The following APOBEC1 variants were observed in gnomAD, a reference collection of about 807,000 sequenced individuals.
APOBEC1 encodes the protein C->U-editing enzyme APOBEC-1.
APOBEC1 carries 22 observed loss-of-function variants against 26.3 expected under a neutral mutation model. That is an observed-to-expected ratio of 0.84 (90% confidence interval 0.60 to 1.19). APOBEC1 has a LOEUF of 1.19. Ranked by LOEUF, APOBEC1 falls within the 50% of genes most tolerant of loss-of-function variation. APOBEC1 has a pLI of 0.00. For missense variants in APOBEC1, 253 were observed against 289.0 expected (o/e 0.88, Z 0.90); for synonymous variants, 77 against 95.3 (o/e 0.81, Z 1.12).
At chr12:7,653,664 T>C (rs1472349016) in intron 2 of APOBEC1, among the ~76,000 whole-genome samples, 1 of 152,116 alleles carries the variant, frequency 6.6e-6, no homozygotes, top group Non-Finnish European at 1.5e-5. Context: ...AGAGGTGCTA[T>C]GTTCCAATCC....
At chr12:7,659,353 T>A (rs1475865185) in intron 1 of APOBEC1, among the ~76,000 whole-genome samples, 15 of 85,634 alleles carry the variant, frequency 1.8e-4, no homozygotes, top group South Asian at 7.5e-4. Flanking sequence ...ATATATATGT[T>A]TATATTTGAA....
At chr12:7,653,786 A>C (rs1424418167) in intron 2 of APOBEC1, among the ~76,000 whole-genome samples, 1 of 152,208 alleles carries the variant, frequency 6.6e-6, no homozygotes, top group Non-Finnish European at 1.5e-5. Context: ...ATTTAGCCTC[A>C]AGATTCTTCC....
At chr12:7,651,338 G>T (rs1863634888) in intron 3 of APOBEC1, among the ~76,000 whole-genome samples, 197 bp from the exon 4 acceptor site, 1 of 152,118 alleles carries the variant, frequency 6.6e-6, no homozygotes, top group Admixed American at 6.6e-5. Flanking sequence ...GTTGTTGGCT[G>T]GGTGCGGTGG....
upstream of APOBEC1, among the ~76,000 whole-genome samples, chr12:7,667,142 C>T (rs371598773): frequency 6.6e-6 from 1 of 151,982 alleles, no homozygotes; most frequent in East Asian, 1.9e-4. Flanking sequence ...AAACTCCTGA[C>T]CTCAGGTGAT....
intron 1 of APOBEC1, among the ~76,000 whole-genome samples, chr12:7,659,153 G>C (rs1257716259): frequency 6.7e-6 from 1 of 148,994 alleles, no homozygotes; most frequent in Admixed American, 6.7e-5. Flanking sequence ...AATTAGCTGG[G>C]TGTGGTGGCG....
At chr12:7,667,935 A>AT (rs2072520652), upstream of APOBEC1, among the ~76,000 whole-genome samples, 1 of 150,790 alleles carries the variant, frequency 6.6e-6, no homozygotes, top group Non-Finnish European at 1.5e-5. Flanking sequence ...AAAAAAAAAA[A>AT]GGTAAGATAA....
intron 1 of APOBEC1, among the ~76,000 whole-genome samples, chr12:7,660,410 A>AAGAAAGAGAG (rs111744018): frequency 1.9e-4 from 16 of 84,250 alleles, no homozygotes; most frequent in African/African-American, 6.0e-4. Context: ...GAAAGAAAGA[A>AAGAAAGAGAG]AGAGAGGGTA....
chr12:7,665,347 G>A (rs1352402836), intron 1 of APOBEC1, among the ~76,000 whole-genome samples: 1 of 152,052 alleles, frequency 6.6e-6, no homozygotes, highest in Non-Finnish European at 1.5e-5. Flanking sequence ...GCCCAGGCTG[G>A]AGTGCAGTGG....
chr12:7,659,046 G>C (rs746187229), intron 1 of APOBEC1, among the ~76,000 whole-genome samples: 1 of 145,594 alleles, frequency 6.9e-6, no homozygotes, highest in Admixed American at 6.9e-5. Flanking sequence ...TGTAATCCCA[G>C]CACTTTGGGA....
chr12:7,665,877 C>T lies in APOBEC1; in HGVS notation c.-5G>A, dbSNP rs1178865034. The T allele has an allele frequency of 6.2e-7, 1 of 1,613,610 alleles. No individual in the cohort carries two copies. Among genetic ancestry groups the T allele is most frequent in the East Asian group, 2.2e-5 (1 of 44,816 alleles). On this transcript the variant is annotated 5_prime_UTR_variant, in exon 1 of 5. Coordinates refer to ENST00000229304, the MANE Select transcript of APOBEC1 (RefSeq NM_001644.5). ...TTTACCTTTCTCAGAAGTCATGGTG[C>T]TCTGTCTCTGGACTTCCTCCTCTGG...
chr12:7,649,597 G>A lies in APOBEC1; in HGVS notation c.661C>T (p.His221Tyr), dbSNP rs781602928. Residue 221 changes from histidine (H) to tyrosine (Y), a missense_variant, in exon 5 of 5, where the codon CAC becomes TAC. Physicochemically the swap from His to Tyr is moderately conservative, Grantham distance 83. Coordinates refer to ENST00000229304, the MANE Select transcript of APOBEC1 (RefSeq NM_001644.5). ...QNCHYQTIPP[H>Y]ILLATGLIHP... ...ATCAGCCCTGTAGCTAAAAGGATGTGTGGCGGAATCGTTTGGTAATGGCAG... is the reference window on the plus strand; with the variant it reads ...ATCAGCCCTGTAGCTAAAAGGATGTATGGCGGAATCGTTTGGTAATGGCAG... 6 of 1,614,160 alleles carry A rather than the reference G, an allele frequency of 3.7e-6. No homozygotes were observed. The highest frequency in any genetic ancestry group is 1.1e-5 in the South Asian group (1 of 91,086).
chr12:7,660,369 AAGGAAG>A (rs1863793431), intron 1 of APOBEC1, among the ~76,000 whole-genome samples: 3 of 100,128 alleles, frequency 3.0e-5, no homozygotes, highest in Admixed American at 9.9e-5. Flanking sequence ...GGAAGGAAGG[AAGGAAG>A]GAAAGAAAGA....
At chr12:7,663,227 C>T (rs75983536) in intron 1 of APOBEC1, among the ~76,000 whole-genome samples, 1 of 152,024 alleles carries the variant, frequency 6.6e-6, no homozygotes, top group Non-Finnish European at 1.5e-5. Flanking sequence ...GTGTGTGTAC[C>T]TGTTTGTGTG....
intron 1 of APOBEC1, among the ~76,000 whole-genome samples, chr12:7,662,080 A>AAAAAC (rs1001308309): frequency 1.4e-4 from 7 of 51,268 alleles, no homozygotes; most frequent in African/African-American, 2.5e-4. Context: ...CCCCGTCTCT[A>AAAAAC]AAAACAAAAC....
intron 1 of APOBEC1, among the ~76,000 whole-genome samples, chr12:7,662,288 T>G (rs1863831012): frequency 6.7e-6 from 1 of 149,612 alleles, no homozygotes; most frequent in African/African-American, 2.5e-5. Context: ...ATTTAAAAAT[T>G]TAAAAAAAGA....
At chr12:7,655,338 G>A (rs774265611) in intron 1 of APOBEC1, among the ~76,000 whole-genome samples, 1 of 150,912 alleles carries the variant, frequency 6.6e-6, no homozygotes, top group South Asian at 2.1e-4. Context: ...TGGAGAAACC[G>A]CATCTCTACT....
chr12:7,652,071 C>T (rs1863650814), intron 3 of APOBEC1, among the ~76,000 whole-genome samples: 1 of 152,154 alleles, frequency 6.6e-6, no homozygotes, highest in African/African-American at 2.4e-5. Flanking sequence ...ATCCGCCCAC[C>T]TCGGCCTCCC....
intron 1 of APOBEC1, among the ~76,000 whole-genome samples, chr12:7,664,737 A>T (rs1863868241): frequency 6.6e-6 from 1 of 151,978 alleles, no homozygotes; most frequent in African/African-American, 2.4e-5. Context: ...CAATAAAGCA[A>T]GACCTCATCT....
intron 1 of APOBEC1, 25 bp from the exon 2 acceptor site, chr12:7,654,657 C>CA: frequency 6.2e-7 from 1 of 1,612,580 alleles, no homozygotes; most frequent in African/African-American, 1.3e-5. Context: ...ATGATTATGT[C>CA]AAACAACACT....
Sources: gnomAD v4.1 joint callset for allele counts (sites outside exome capture counted in the v4.1 genomes callset) on GRCh38, gnomAD v4.1.1 for gene constraint, MANE v1.5 for transcripts, NCBI Gene and HGNC (gene_info 2026-07-23, HGNC 2026-07-21) for gene names.